Variants in RBFOX1 observed in about 807,000 individuals in gnomAD.
RBFOX1 encodes the protein RNA binding fox-1 homolog 1, also known as RNA binding protein fox-1 homolog 1.
Under a neutral mutation model 57.7 loss-of-function variants are expected in RBFOX1, and 8 were observed. That is an observed-to-expected ratio of 0.14 (90% CI 0.08 to 0.25). RBFOX1 has a LOEUF of 0.25. RBFOX1 is among the 10% of genes least tolerant of loss of function. RBFOX1 has a pLI of 1.00. For missense variants in RBFOX1, 611 were observed against 548.5 expected, an observed-to-expected ratio of 1.11 and a Z score of -1.14; for synonymous variants, 326 against 222.4, an observed-to-expected ratio of 1.47 and a Z score of -4.15.
At chr16:6,818,115 T>C (rs912749491) in intron 3 of RBFOX1, among the ~76,000 whole-genome samples, 1 of 152,128 alleles carries the variant, frequency 6.6e-6, no homozygotes, top group Non-Finnish European at 1.5e-5. Flanking sequence ...TTTCCACCCC[T>C]CCCTCTATGG....
chr16:6,034,332 A>T (rs1291998483), intron 1 of RBFOX1, among the ~76,000 whole-genome samples: 1 of 30,658 alleles, frequency 3.3e-5, no homozygotes, highest in Admixed American at 4.6e-4. Context: ...ACTGTTGCGC[A>T]AAAAAAAAAA....
At chr16:5,768,491 G>A (rs779346293) in intron 3 of RBFOX1, among the ~76,000 whole-genome samples, 16 of 152,316 alleles carry the variant, frequency 1.1e-4, no homozygotes, top group Non-Finnish European at 1.9e-4. Flanking sequence ...GTGGCAGACA[G>A]GGAATAGCTA....
At chr16:6,497,716 C>G (rs879270196) in intron 2 of RBFOX1, among the ~76,000 whole-genome samples, 3 of 152,086 alleles carry the variant, frequency 2.0e-5, no homozygotes, top group Non-Finnish European at 4.4e-5. Flanking sequence ...ACCACCATGC[C>G]TGGCTAATTT....
intron 2 of RBFOX1, among the ~76,000 whole-genome samples, chr16:5,552,955 A>G (rs1483202250): frequency 6.6e-6 from 1 of 152,280 alleles, no homozygotes; most frequent in African/African-American, 2.4e-5. Flanking sequence ...ATGCAGCCAT[A>G]AAAAGGATCA....
chr16:5,583,094 G>T lies in RBFOX1; in HGVS notation c.259-15808G>T, dbSNP rs554240539. Among the ~76,000 whole-genome samples, 24 of 152,306 alleles carry T rather than the reference G, an allele frequency of 1.6e-4. No individual in the cohort carries two copies. The South Asian group carries it at 5.0e-3, about 32-fold the overall frequency. On this transcript the variant is annotated intron_variant, in intron 2 of 2. Coordinates refer to the RBFOX1 transcript ENST00000585867. ...CTAGGGAGAGGTTGAGCCTGACTTTGAACCCTGGCAGTTTGGCTTGCACGT... is the reference window on the plus strand; with the variant it reads ...CTAGGGAGAGGTTGAGCCTGACTTTTAACCCTGGCAGTTTGGCTTGCACGT...
intron 3 of RBFOX1, among the ~76,000 whole-genome samples, chr16:5,788,601 C>G (rs993019123): frequency 6.6e-6 from 1 of 152,148 alleles, no homozygotes; most frequent in Admixed American, 6.5e-5. Flanking sequence ...TGCACTCCAG[C>G]CTGGGTGACA....
chr16:6,802,263 A>G (rs748475601), intron 3 of RBFOX1, among the ~76,000 whole-genome samples: 5 of 152,056 alleles, frequency 3.3e-5, no homozygotes, highest in Non-Finnish European at 5.9e-5. Flanking sequence ...CCGAAACAGT[A>G]GTTGTGGAGG....
At chr16:5,628,808 GA>G (rs1418216047) in intron 3 of RBFOX1, among the ~76,000 whole-genome samples, 2 of 152,150 alleles carry the variant, frequency 1.3e-5, no homozygotes, top group East Asian at 3.9e-4. Context: ...TGGCTGAAGG[GA>G]GATCTCATGG....
chr16:7,238,937 C>G (rs913323611), intron 4 of RBFOX1, among the ~76,000 whole-genome samples: 2 of 152,140 alleles, frequency 1.3e-5, no homozygotes, highest in Non-Finnish European at 2.9e-5. Context: ...ATGAGAGCCT[C>G]CAGTTTCATC....
At chr16:7,592,214 G>A (rs1055026617) in intron 7 of RBFOX1, among the ~76,000 whole-genome samples, 3 of 152,114 alleles carry the variant, frequency 2.0e-5, no homozygotes, top group African/African-American at 7.2e-5. Flanking sequence ...AAGTTTCGCA[G>A]AAAAACAATG....
intron 4 of RBFOX1, among the ~76,000 whole-genome samples, chr16:7,265,904 C>T (rs1421903748): frequency 7.0e-6 from 1 of 143,726 alleles, no homozygotes; most frequent in African/African-American, 2.6e-5. Context: ...GGAATGGGTT[C>T]TTCCTTGCTT....
chr16:7,058,234 C>T (rs2053092718), intron 4 of RBFOX1, among the ~76,000 whole-genome samples: 1 of 152,198 alleles, frequency 6.6e-6, no homozygotes, highest in African/African-American at 2.4e-5. Context: ...ACTCCCCTTT[C>T]CATTGTCTCT....
intron 11 of RBFOX1, among the ~76,000 whole-genome samples, chr16:7,630,951 CT>C (rs34176359): frequency 2.8e-4 from 42 of 152,272 alleles, no homozygotes; most frequent in African/African-American, 9.6e-4. Context: ...GGGTGGGAAG[CT>C]TTAGCTCATT....
chr16:6,208,307 A>C (rs1284320666), intron 1 of RBFOX1, among the ~76,000 whole-genome samples: 1 of 152,058 alleles, frequency 6.6e-6, no homozygotes, highest in Non-Finnish European at 1.5e-5. Context: ...TGCTTTGTTT[A>C]ATTTTTTTGT....
chr16:6,279,463 T>C (rs904130075), intron 1 of RBFOX1, among the ~76,000 whole-genome samples: 1 of 152,176 alleles, frequency 6.6e-6, no homozygotes, highest in Admixed American at 6.5e-5. Context: ...AGTGCCCTGT[T>C]GCCTTGGAGT....
intron 3 of RBFOX1, among the ~76,000 whole-genome samples, chr16:5,752,470 A>T (rs918511225): frequency 6.6e-6 from 1 of 152,238 alleles, no homozygotes; most frequent in Non-Finnish European, 1.5e-5. Flanking sequence ...GAAACAATCA[A>T]CTATTAAAAG....
intron 3 of RBFOX1, among the ~76,000 whole-genome samples, chr16:6,859,125 ATATACATATATATACGTATATATATATG>A (rs1393575614): frequency 0.012 from 813 of 66,284 alleles, 52 homozygotes; most frequent in African/African-American, 0.074. Context: ...ATATATATAT[ATATACATATATATACGTATATATATATG>A]TATATATATA....
intron 4 of RBFOX1, among the ~76,000 whole-genome samples, chr16:5,996,385 C>T (rs1002471632): frequency 1.3e-5 from 2 of 152,092 alleles, no homozygotes; most frequent in Non-Finnish European, 2.9e-5. Flanking sequence ...CATTGGGTTC[C>T]CCTTAATTAC....
At chr16:7,669,963 T>G (rs1023107590) in intron 13 of RBFOX1, among the ~76,000 whole-genome samples, 1 of 152,156 alleles carries the variant, frequency 6.6e-6, no homozygotes, top group East Asian at 1.9e-4. Context: ...GTTTTACCTG[T>G]ATTACGTCAT....
Sources: allele counts gnomAD v4.1 joint callset (sites outside exome capture counted in the v4.1 genomes callset), GRCh38; gene constraint gnomAD v4.1.1; transcripts MANE v1.5; gene names NCBI Gene and HGNC (gene_info 2026-07-23, HGNC 2026-07-21).